Variants in PCDH15 observed in about 807,000 individuals in gnomAD.
PCDH15 encodes protocadherin related 15.
In PCDH15, 129 loss-of-function variants were observed where a neutral mutation model predicts 178.5. The ratio of observed to expected loss-of-function variants is 0.72; its 90% CI spans 0.63 to 0.84. PCDH15 has a LOEUF of 0.84. PCDH15 is among the 40% of genes least tolerant of loss of function. The probability of loss-of-function intolerance (pLI) is 0.00; values close to 1 mark genes in which losing one functional copy is unlikely to be tolerated. For synonymous variants in PCDH15, 800 were observed against 732.0 expected, an observed-to-expected ratio of 1.09 and a Z score of -1.50; for missense variants, 2,230 against 2,099.9, an observed-to-expected ratio of 1.06 and a Z score of -1.21.
intron 8 of PCDH15, among the ~76,000 whole-genome samples, chr10:54,263,250 A>G (rs1483714582): frequency 6.6e-6 from 1 of 151,786 alleles, no homozygotes; most frequent in African/African-American, 2.4e-5. Context: ...AGTGTGGACC[A>G]CTCCTGAGGG....
Position 53,888,703 on chromosome 10 carries a change from A to ATATATATATATATAT in PCDH15, c.3501+14539_3501+14540insATATATATATATATA, listed in dbSNP as rs2081351421. The stretch of plus-strand genomic sequence containing the variant: ...TATATATATATATATATATATATAT[A>ATATATATATATATAT]TCTCCTGTGGAAATTGATAAGCTGA... On this transcript the variant is annotated intron_variant, in intron 26 of 37. Transcript: ENST00000644397. Among the ~76,000 whole-genome samples the ATATATATATATATAT allele has an allele frequency of 9.5e-5, 2 of 21,082 alleles. 1 individual carries two copies. Among genetic ancestry groups the ATATATATATATATAT allele is most frequent in the East Asian group, 8.8e-3 (2 of 226 alleles). The allele number at this position is 21,082 out of a possible 152,430, so 13.8% of individuals were successfully genotyped here.
intron 3 of PCDH15, among the ~76,000 whole-genome samples, chr10:54,431,614 TA>T (rs1222513838): frequency 6.6e-6 from 1 of 152,148 alleles, no homozygotes; most frequent in Non-Finnish European, 1.5e-5. Flanking sequence ...CTCAACACAA[TA>T]AAAGCTATAT....
chr10:54,608,275 A>T (rs1251381910), intron 2 of PCDH15, among the ~76,000 whole-genome samples: 1 of 151,416 alleles, frequency 6.6e-6, no homozygotes, highest in East Asian at 2.0e-4. Context: ...TAGGACGAGC[A>T]TGGGCAACAT....
At chr10:55,531,040 G>A (rs573221648) in intron 2 of PCDH15, among the ~76,000 whole-genome samples, 33 of 131,180 alleles carry the variant, frequency 2.5e-4, no homozygotes, top group African/African-American at 7.0e-4. Flanking sequence ...TTTCAGCACC[G>A]TTGTATTTTA....
At chr10:55,369,169 T>C (rs1490104464) in intron 2 of PCDH15, among the ~76,000 whole-genome samples, 1 of 151,956 alleles carries the variant, frequency 6.6e-6, no homozygotes, top group Non-Finnish European at 1.5e-5. Flanking sequence ...CTAAAGCAAG[T>C]ATAGGATATT....
chr10:54,647,949 T>C (rs374341825), intron 2 of PCDH15, among the ~76,000 whole-genome samples: 344 of 152,162 alleles, frequency 2.3e-3, no homozygotes, highest in African/African-American at 7.8e-3. Context: ...AAAAAACACT[T>C]GGTATCATAT....
intron 28 of PCDH15, among the ~76,000 whole-genome samples, chr10:53,842,366 C>G (rs1417229942): frequency 6.6e-6 from 1 of 152,142 alleles, no homozygotes; most frequent in Non-Finnish European, 1.5e-5. Flanking sequence ...AAGGGATTCT[C>G]CTGTCTCACG....
At chr10:54,701,268 G>A (rs1013302426) in intron 1 of PCDH15, among the ~76,000 whole-genome samples, 1 of 152,034 alleles carries the variant, frequency 6.6e-6, no homozygotes, top group African/African-American at 2.4e-5. Flanking sequence ...AAGGAAATTT[G>A]TTAGCACGTG....
intron 1 of PCDH15, among the ~76,000 whole-genome samples, chr10:54,682,040 A>G (rs924886025): frequency 3.3e-5 from 5 of 152,174 alleles, no homozygotes; most frequent in Non-Finnish European, 7.4e-5. Context: ...TTGAAAAGTA[A>G]TAGTGTGAAT....
chr10:54,142,569 G>T (rs1260468987), intron 14 of PCDH15, among the ~76,000 whole-genome samples: 1 of 152,130 alleles, frequency 6.6e-6, no homozygotes, highest in Non-Finnish European at 1.5e-5. Context: ...GCACAATGAT[G>T]CAAGGTCAGT....
chr10:55,485,494 A>C lies in PCDH15; in HGVS notation c.-156+142131T>G, dbSNP rs536301506. 1.2e-4 allele frequency among the ~76,000 whole-genome samples: 18 copies of C among 151,872 alleles called. No individual in the cohort carries two copies. In the East Asian group the frequency reaches 3.3e-3, roughly 28 times the overall value. On this transcript the variant is annotated intron_variant, in intron 2 of 5. Transcript: ENST00000613346. ...TTAGTTAGAATAACTATTACCAAAAAGACAAAAAAATAACAAATATTGGCA... is the reference window on the plus strand; with the variant it reads ...TTAGTTAGAATAACTATTACCAAAACGACAAAAAAATAACAAATATTGGCA...
intron 16 of PCDH15, among the ~76,000 whole-genome samples, chr10:54,088,834 T>A (rs1440110405): frequency 1.3e-5 from 2 of 152,162 alleles, no homozygotes; most frequent in African/African-American, 4.8e-5. Flanking sequence ...TGAAAATCAA[T>A]TGACCATAAA....
At chr10:53,924,411 C>G (rs2084295563) in intron 25 of PCDH15, among the ~76,000 whole-genome samples, 1 of 152,220 alleles carries the variant, frequency 6.6e-6, no homozygotes, top group Non-Finnish European at 1.5e-5. Context: ...CCTCAGCTGC[C>G]TCCCTGCGGG....
intron 26 of PCDH15, among the ~76,000 whole-genome samples, chr10:53,884,027 AAAAACAAAAC>A (rs1554843461): frequency 2.0e-5 from 3 of 151,488 alleles, no homozygotes; most frequent in African/African-American, 4.8e-5. Context: ...GTTTTTGTAA[AAAAACAAAAC>A]AAAACAAAAC....
intron 2 of PCDH15, among the ~76,000 whole-genome samples, chr10:54,643,017 G>A (rs2094028278): frequency 6.6e-6 from 1 of 152,130 alleles, no homozygotes; most frequent in Admixed American, 6.5e-5. Context: ...CCGCCTCCTG[G>A]GCTCAAGCGA....
chr10:54,570,817 A>AATTTTTT (rs571170500), intron 2 of PCDH15, among the ~76,000 whole-genome samples: 1 of 9,972 alleles, frequency 1.0e-4, no homozygotes, highest in Non-Finnish European at 2.2e-4. Context: ...ACGCCTGGCT[A>AATTTTTT]TTTTTTTTTT....
At chr10:55,230,602 G>T (rs1304239266) in intron 1 of PCDH15, among the ~76,000 whole-genome samples, 1 of 152,006 alleles carries the variant, frequency 6.6e-6, no homozygotes, top group African/African-American at 2.4e-5. Context: ...TTTATAGAAA[G>T]AAATAATCGG....
chr10:54,464,741 G>A (rs80237942), intron 3 of PCDH15, among the ~76,000 whole-genome samples: 1,888 of 152,116 alleles, frequency 0.012, 42 homozygotes, highest in South Asian at 0.084. Context: ...TTCCCTCTCC[G>A]GTTGACCTTA....
At chr10:54,931,513 G>C (rs903631783) in intron 2 of PCDH15, among the ~76,000 whole-genome samples, 4 of 152,134 alleles carry the variant, frequency 2.6e-5, no homozygotes, top group Admixed American at 6.6e-5. Flanking sequence ...GGATACCTTG[G>C]TGTATAGGCA....
Sources: allele counts gnomAD v4.1 joint callset (sites outside exome capture counted in the v4.1 genomes callset), GRCh38; gene constraint gnomAD v4.1.1; transcripts MANE v1.5; gene names NCBI Gene and HGNC (gene_info 2026-07-23, HGNC 2026-07-21).